PGBD5: variants seen among roughly 807,000 people sequenced by gnomAD.
PGBD5 encodes the protein piggyBac transposable element derived 5.
PGBD5 carries 14 observed loss-of-function variants against 47.9 expected under a neutral mutation model. The observed-to-expected ratio is 0.29, with a 90% CI of 0.19 to 0.46. The LOEUF (loss-of-function observed/expected upper bound fraction) is 0.46, where lower values mean the gene tolerates loss of function less well. Among genes scored for constraint, PGBD5 ranks in the 20% least tolerant of loss-of-function variants. The probability of loss-of-function intolerance (pLI) is 1.00; values close to 1 mark genes in which losing one functional copy is unlikely to be tolerated. For missense variants in PGBD5, 635 were observed against 716.0 expected (o/e 0.89, Z 1.29); for synonymous variants, 316 against 306.3 (o/e 1.03, Z -0.33).
intron 1 of PGBD5, among the ~76,000 whole-genome samples, chr1:230,410,684 G>A (rs1229796538): frequency 2.0e-5 from 3 of 152,110 alleles, no homozygotes; most frequent in Non-Finnish European, 2.9e-5. Context: ...TTACTCTGAG[G>A]AGACTTTAGT....
chr1:230,412,720 T>G (rs1439275194), intron 1 of PGBD5, among the ~76,000 whole-genome samples: 1 of 152,072 alleles, frequency 6.6e-6, no homozygotes, highest in Non-Finnish European at 1.5e-5. Flanking sequence ...TCATCTTCAC[T>G]GAGTAGGCTG....
chr1:230,339,213 C>G (rs1667373011), intron 3 of PGBD5, among the ~76,000 whole-genome samples: 1 of 152,148 alleles, frequency 6.6e-6, no homozygotes, highest in African/African-American at 2.4e-5. Context: ...CTTTTTTAAA[C>G]CAGCGGAGTG....
intron 1 of PGBD5, among the ~76,000 whole-genome samples, chr1:230,376,721 G>A (rs1272832059): frequency 6.6e-6 from 1 of 152,184 alleles, no homozygotes; most frequent in Non-Finnish European, 1.5e-5. Context: ...GAGGTCTGGG[G>A]CTGAGGCAGG....
chr1:230,396,412 C>T (rs1656976509), intron 1 of PGBD5, among the ~76,000 whole-genome samples: 1 of 134,686 alleles, frequency 7.4e-6, no homozygotes, highest in Non-Finnish European at 1.6e-5. Flanking sequence ...TCTCCACCCT[C>T]CTCCCCCATC....
In PGBD5 at chr1:230,315,933, T is replaced by TAC. The variant is rs755284271; in HGVS notation, c.*7491_*7492insGT. The TAC allele has an allele frequency of 2.5e-4, 31 of 123,146 alleles. 2 individuals are homozygous for TAC. Among genetic ancestry groups the TAC allele is most frequent in the Admixed American group, 3.3e-4 (4 of 12,118 alleles). The allele number at this position is 123,146 out of a possible 1,614,324, so 7.6% of individuals were successfully genotyped here. A position where few individuals can be genotyped will look rare whatever the true frequency, so the allele number is the denominator to read the frequency against. ...ATGTATATGTGTATATGTGTACACA[T>TAC]ATATGTATGTGTATACATACATAAG... is the stretch of plus-strand genomic sequence containing the variant. On this transcript the variant is annotated 3_prime_UTR_variant, in exon 7 of 7. Transcript: ENST00000391860.
intron 1 of PGBD5, among the ~76,000 whole-genome samples, chr1:230,402,334 G>A (rs1004829488): frequency 3.3e-5 from 5 of 152,210 alleles, no homozygotes; most frequent in African/African-American, 7.2e-5. Context: ...CGCTGCCCTC[G>A]AGGAAGGTCC....
At chr1:230,347,123 C>T (rs766496366) in intron 3 of PGBD5, among the ~76,000 whole-genome samples, 4 of 152,156 alleles carry the variant, frequency 2.6e-5, no homozygotes, top group Non-Finnish European at 5.9e-5. Flanking sequence ...AGTTCAGACT[C>T]CCAGGTGGTC....
At chr1:230,336,575 C>A (rs1667327912) in intron 4 of PGBD5, among the ~76,000 whole-genome samples, 1 of 152,200 alleles carries the variant, frequency 6.6e-6, no homozygotes, top group Admixed American at 6.5e-5. Flanking sequence ...TTTTCTATAG[C>A]CCCTATTTCT....
chr1:230,348,671 C>A (rs1239955600), intron 3 of PGBD5, among the ~76,000 whole-genome samples: 1 of 151,864 alleles, frequency 6.6e-6, no homozygotes, highest in Non-Finnish European at 1.5e-5. Flanking sequence ...TCTAAAAAAA[C>A]AACTGTCCCC....
intron 1 of PGBD5, among the ~76,000 whole-genome samples, chr1:230,367,304 CA>C (rs1468684470): frequency 1.3e-5 from 2 of 152,188 alleles, no homozygotes; most frequent in African/African-American, 4.8e-5. Context: ...TGTACCATGG[CA>C]CACGTCCTCC....
chr1:230,316,054 ATATG>A lies in PGBD5; in HGVS notation c.*7367_*7370del, dbSNP rs956692989. 1 of 136,766 alleles carries A rather than the reference ATATG, an allele frequency of 7.3e-6. No homozygotes were observed. Among genetic ancestry groups the A allele is most frequent in the African/African-American group, 2.7e-5 (1 of 36,392 alleles). The allele number at this position is 136,766 out of a possible 1,614,324, so 8.5% of individuals were successfully genotyped here. On this transcript the variant is annotated 3_prime_UTR_variant, in exon 7 of 7. Coordinates refer to ENST00000391860, the MANE Select transcript of PGBD5 (RefSeq NM_001258311.2). ...CATACATAAGTATATGTGTACACAT[ATATG>A]TATGTGTATACATACATGTTTATGT...
At chr1:230,392,717 A>C (rs1241899656) in intron 1 of PGBD5, among the ~76,000 whole-genome samples, 1 of 152,132 alleles carries the variant, frequency 6.6e-6, no homozygotes, top group Admixed American at 6.5e-5. Flanking sequence ...CACCCAAGGA[A>C]ATCCCCCGTG....
intron 1 of PGBD5, among the ~76,000 whole-genome samples, chr1:230,405,157 T>A (rs577576708): frequency 6.7e-6 from 1 of 148,658 alleles, no homozygotes; most frequent in Admixed American, 6.7e-5. Context: ...ATTGCGCTAC[T>A]GCACTCCAGC....
chr1:230,330,434 C>CACTGAG (rs1250187250), intron 5 of PGBD5, among the ~76,000 whole-genome samples: 1 of 152,184 alleles, frequency 6.6e-6, no homozygotes, highest in Non-Finnish European at 1.5e-5. Flanking sequence ...TCATTATTAA[C>CACTGAG]ACTGAGAAAA....
chr1:230,326,417 C>T (rs1467630983), intron 5 of PGBD5, among the ~76,000 whole-genome samples: 2 of 152,126 alleles, frequency 1.3e-5, no homozygotes, highest in Admixed American at 6.5e-5. Flanking sequence ...GAAACTCCAT[C>T]TCAAAATGAA....
chr1:230,323,539 G>A lies in PGBD5; in HGVS notation c.1461C>T (p.Tyr487=), dbSNP rs1026929630. ...FAISIAINNA[Y]ILYKMSDAYH... ...AGGCGTCTGACATTTTGTACAGGAT[G>A]TAGGCATTGTTGATGGCGATGCTGA... The change falls in exon 7 of 7, where the codon TAC becomes TAT. Residue 487 remains tyrosine (Y), a synonymous_variant. Coordinates refer to ENST00000391860, the MANE Select transcript of PGBD5 (RefSeq NM_001258311.2). The surrounding 1 kb of genome is among the most constrained non-coding windows in gnomAD (Gnocchi z 4.1). The A allele has an allele frequency of 3.7e-6, 6 of 1,614,210 alleles. No homozygotes were observed. Among genetic ancestry groups the A allele is most frequent in the South Asian group, 1.1e-5 (1 of 91,084 alleles).
At chr1:230,379,472 A>G (rs1668060508) in intron 1 of PGBD5, among the ~76,000 whole-genome samples, 1 of 152,222 alleles carries the variant, frequency 6.6e-6, no homozygotes, top group Non-Finnish European at 1.5e-5. Context: ...TTTCAAAAAC[A>G]CAATTCTCAT....
chr1:230,390,243 C>G (rs368851603), intron 1 of PGBD5, among the ~76,000 whole-genome samples: 21 of 152,242 alleles, frequency 1.4e-4, no homozygotes, highest in African/African-American at 5.1e-4. Context: ...CCATGGTGAG[C>G]CTCTATCTTC....
chr1:230,363,529 C>G, intron 1 of PGBD5, among the ~76,000 whole-genome samples: 1 of 151,988 alleles, frequency 6.6e-6, no homozygotes, highest in East Asian at 1.9e-4. Flanking sequence ...CTGCAGTGAG[C>G]CAAGATTGCA....
Sources: gnomAD v4.1 joint callset for allele counts (sites outside exome capture counted in the v4.1 genomes callset) on GRCh38, gnomAD v4.1.1 for gene constraint, Gnocchi (gnomAD v3.1) non-coding constraint, MANE v1.5 for transcripts, NCBI Gene and HGNC (gene_info 2026-07-23, HGNC 2026-07-21) for gene names.